The following RABGAP1L variants were observed in gnomAD, a reference collection of about 807,000 sequenced individuals.
The protein encoded by RABGAP1L is rab GTPase-activating protein 1-like.
RABGAP1L carries 63 observed loss-of-function variants against 137.7 expected under a neutral mutation model. That is an observed-to-expected ratio of 0.46 (90% CI 0.37 to 0.56). The LOEUF is 0.56. Ranked by LOEUF, RABGAP1L falls within the 20% of genes least tolerant of loss-of-function variation. The pLI, the probability that RABGAP1L is intolerant of heterozygous loss-of-function variation, is 0.00. For synonymous variants in RABGAP1L, 431 were observed against 433.7 expected, an observed-to-expected ratio of 0.99 and a Z score of 0.08; for missense variants, 1,095 against 1,244.0, an observed-to-expected ratio of 0.88 and a Z score of 1.80.
At chr1:174,803,517 A>T (rs1458560082) in intron 18 of RABGAP1L, among the ~76,000 whole-genome samples, 2 of 152,204 alleles carry the variant, frequency 1.3e-5, no homozygotes, top group Non-Finnish European at 2.9e-5. Context: ...AGAAATTTTT[A>T]GCTGAATAAA....
chr1:174,284,334 C>G (rs923435606), intron 10 of RABGAP1L, among the ~76,000 whole-genome samples: 5 of 152,184 alleles, frequency 3.3e-5, no homozygotes, highest in African/African-American at 1.2e-4. Flanking sequence ...AAAATGAGAT[C>G]ATACAGTATT....
At chr1:174,380,958 G>T (rs1314105626) in intron 12 of RABGAP1L, among the ~76,000 whole-genome samples, 1 of 118,542 alleles carries the variant, frequency 8.4e-6, no homozygotes, top group East Asian at 2.2e-4. Flanking sequence ...ACACTGCTTT[G>T]AATGCGTCCC....
At chr1:174,985,946 C>CTT (rs919415149) in intron 24 of RABGAP1L, among the ~76,000 whole-genome samples, 3 of 147,978 alleles carry the variant, frequency 2.0e-5, no homozygotes, top group Non-Finnish European at 4.5e-5. Context: ...TTCTTTTTTT[C>CTT]TTTTTTTTTT....
At chr1:174,673,113 C>G (rs1173379057) in intron 14 of RABGAP1L, among the ~76,000 whole-genome samples, 1 of 152,094 alleles carries the variant, frequency 6.6e-6, no homozygotes. Flanking sequence ...CATCCATGAG[C>G]TCACATACAC....
At chr1:174,930,517 GT>G (rs760349055) in intron 19 of RABGAP1L, among the ~76,000 whole-genome samples, 1 of 151,854 alleles carries the variant, frequency 6.6e-6, no homozygotes, top group Non-Finnish European at 1.5e-5. Context: ...GGGTTTCACT[GT>G]GTTCTCCAGG....
intron 1 of RABGAP1L, among the ~76,000 whole-genome samples, chr1:174,202,531 A>G (rs1348338854): frequency 2.6e-5 from 4 of 151,924 alleles, no homozygotes; most frequent in Non-Finnish European, 4.4e-5. Context: ...GTTTGAGTTC[A>G]TTGTAGATTC....
At chr1:174,536,185 T>C (rs538426490) in intron 13 of RABGAP1L, among the ~76,000 whole-genome samples, 82 of 152,144 alleles carry the variant, frequency 5.4e-4, no homozygotes, top group African/African-American at 1.8e-3. Context: ...TCAAAATGAA[T>C]AATTCCAGTG....
chr1:174,616,441 T>A (rs561740874), intron 13 of RABGAP1L, among the ~76,000 whole-genome samples: 1 of 152,226 alleles, frequency 6.6e-6, no homozygotes, highest in African/African-American at 2.4e-5. Flanking sequence ...CTAATTCTGA[T>A]TTATTCAGTA....
chr1:174,964,678 CA>C, intron 20 of RABGAP1L: 1 of 630,176 alleles, frequency 1.6e-6, no homozygotes, highest in Non-Finnish European at 2.3e-6. Flanking sequence ...GCATTTTAGT[CA>C]TTCATGCAAA....
chr1:174,470,480 G>A (rs1054937077), intron 13 of RABGAP1L, among the ~76,000 whole-genome samples: 30 of 152,096 alleles, frequency 2.0e-4, no homozygotes, highest in African/African-American at 7.0e-4. Context: ...AAAATGCAGT[G>A]TTTTGGCCTG....
intron 10 of RABGAP1L, among the ~76,000 whole-genome samples, chr1:174,282,824 G>A (rs1365917395): frequency 6.6e-6 from 1 of 151,968 alleles, no homozygotes; most frequent in Non-Finnish European, 1.5e-5. Flanking sequence ...CTCTCATGTG[G>A]GTATACAGTT....
At chr1:174,328,873 T>G (rs1053490733) in intron 11 of RABGAP1L, among the ~76,000 whole-genome samples, 18 of 151,800 alleles carry the variant, frequency 1.2e-4, no homozygotes, top group African/African-American at 4.1e-4. Context: ...CAGTAATAAA[T>G]GCCATCATTA....
At chr1:174,308,304 G>A (rs61635459) in intron 11 of RABGAP1L, among the ~76,000 whole-genome samples, 9,157 of 151,860 alleles carry the variant, frequency 0.06, 969 homozygotes, top group African/African-American at 0.21. Flanking sequence ...TGTGATTTGC[G>A]AAATACTTTC....
intron 17 of RABGAP1L, among the ~76,000 whole-genome samples, chr1:174,720,439 G>A (rs547639424): frequency 6.6e-6 from 1 of 151,978 alleles, no homozygotes; most frequent in South Asian, 2.1e-4. Flanking sequence ...TCAGCTTCCT[G>A]AGTGGCTGGG....
chr1:174,314,198 G>T (rs1445548024), intron 11 of RABGAP1L, among the ~76,000 whole-genome samples: 1 of 152,132 alleles, frequency 6.6e-6, no homozygotes, highest in Non-Finnish European at 1.5e-5. Flanking sequence ...CTTGTTATTA[G>T]TCTATTCAGG....
intron 13 of RABGAP1L, among the ~76,000 whole-genome samples, chr1:174,469,159 A>G (rs1185601490): frequency 1.3e-5 from 2 of 152,188 alleles, no homozygotes; most frequent in African/African-American, 4.8e-5. Context: ...ATCAATTGCT[A>G]AGGGTTAGGT....
rs140510498 is a variant in RABGAP1L at position 174,588,065 on chromosome 1, A to C, written c.1711-49310A>C. Reference sequence around the variant, plus strand: ...ATTTTTAGTAGGGACAGATTTTTGCAATGTTGGCCCGGCTGGTCTCGAACT... The same window carrying C: ...ATTTTTAGTAGGGACAGATTTTTGCCATGTTGGCCCGGCTGGTCTCGAACT... On this transcript the variant is annotated intron_variant, in intron 13 of 25. Coordinates refer to ENST00000681986, the MANE Select transcript of RABGAP1L (RefSeq NM_001366446.1). 5.2e-3 allele frequency among the ~76,000 whole-genome samples: 785 copies of C among 151,984 alleles called. 5 individuals are homozygous for C. The highest frequency in any genetic ancestry group is 0.018 in the African/African-American group (739 of 41,460).
intron 7 of RABGAP1L, among the ~76,000 whole-genome samples, chr1:174,267,761 TAAAC>T (rs1241815356): frequency 6.6e-6 from 1 of 152,206 alleles, no homozygotes; most frequent in Non-Finnish European, 1.5e-5. Context: ...AAGTGCTAAA[TAAAC>T]AATAGTTTTA....
At chr1:174,615,162 T>C (rs1431597838) in intron 13 of RABGAP1L, among the ~76,000 whole-genome samples, 2 of 152,226 alleles carry the variant, frequency 1.3e-5, no homozygotes, top group Non-Finnish European at 2.9e-5. Flanking sequence ...CTCTGCTTTT[T>C]ACAGTTTCCA....
Sources: gnomAD v4.1 joint callset for allele counts (sites outside exome capture counted in the v4.1 genomes callset) on GRCh38, gnomAD v4.1.1 for gene constraint, MANE v1.5 for transcripts, NCBI Gene and HGNC (gene_info 2026-07-23, HGNC 2026-07-21) for gene names.